PDS5A: variants seen among roughly 807,000 people sequenced by gnomAD.
PDS5A encodes the protein sister chromatid cohesion protein PDS5 homolog A.
Under a neutral mutation model 167.1 loss-of-function variants are expected in PDS5A, and 42 were observed. That is an observed-to-expected ratio of 0.25 (90% confidence interval 0.20 to 0.33). The LOEUF (loss-of-function observed/expected upper bound fraction) is 0.33. Among genes scored for constraint, PDS5A ranks in the 10% least tolerant of loss-of-function variants. PDS5A has a pLI of 1.00. For synonymous variants in PDS5A, 553 were observed against 554.6 expected, an observed-to-expected ratio of 1.00 and a Z score of 0.04; for missense variants, 1,033 against 1,605.9, an observed-to-expected ratio of 0.64 and a Z score of 6.10.
Position 39,823,139 on chromosome 4 carries a change from T to C in PDS5A, c.*2346A>G, listed in dbSNP as rs892524731. 2.6e-5 allele frequency: 4 copies of C among 152,634 alleles called. No homozygotes were observed. The highest frequency in any genetic ancestry group is 9.6e-5 in the African/African-American group (4 of 41,466). The allele number at this position is 152,634 out of a possible 1,614,324, so 9.5% of individuals were successfully genotyped here. A position where few individuals can be genotyped will look rare whatever the true frequency, so the allele number is the denominator to read the frequency against. On this transcript the variant is annotated 3_prime_UTR_variant, in exon 33 of 33. Coordinates refer to ENST00000303538, the MANE Select transcript of PDS5A (RefSeq NM_001100399.2). ...AAGGGTTAACATTAATTCTCAAATA[T>C]AAGTCTGCACTTTTGTGTTGTAGTT...
intron 2 of PDS5A, among the ~76,000 whole-genome samples, chr4:39,968,543 C>T (rs943874644): frequency 2.4e-4 from 36 of 151,724 alleles, no homozygotes; most frequent in Admixed American, 2.1e-3. Flanking sequence ...AGCGATTCTC[C>T]TGCCTCAGCC....
chr4:39,866,832 A>T (rs1679095962), intron 23 of PDS5A, 29 bp downstream of exon 23: 1 of 1,592,482 alleles, frequency 6.3e-7, no homozygotes, highest in African/African-American at 1.4e-5. Flanking sequence ...TTCAGCACTA[A>T]GAAAACTGGA....
chr4:39,922,522 C>T, intron 6 of PDS5A, 100 bp downstream of exon 6: 1 of 1,058,820 alleles, frequency 9.4e-7, no homozygotes, highest in Admixed American at 3.7e-5. Context: ...GTCATGAGAA[C>T]AATTACATGG....
At chr4:39,954,523 G>A (rs1728727574) in intron 2 of PDS5A, among the ~76,000 whole-genome samples, 1 of 151,906 alleles carries the variant, frequency 6.6e-6, no homozygotes, top group African/African-American at 2.4e-5. Context: ...GTTTCACCAT[G>A]ATGGCCAGGC....
chr4:39,943,582 G>A (rs1212346538), intron 2 of PDS5A, among the ~76,000 whole-genome samples: 3 of 140,982 alleles, frequency 2.1e-5, no homozygotes, highest in Admixed American at 7.5e-5. Flanking sequence ...TCAGGAGTTC[G>A]AGACCAGCCT....
intron 2 of PDS5A, among the ~76,000 whole-genome samples, chr4:39,970,551 T>C (rs927385934): frequency 2.0e-5 from 3 of 151,812 alleles, no homozygotes; most frequent in Non-Finnish European, 2.9e-5. Flanking sequence ...AAGTTACAAC[T>C]TTTTAGTTCT....
chr4:39,951,898 C>CAAAAAAAA (rs1161911794), intron 2 of PDS5A, among the ~76,000 whole-genome samples: 6 of 68,820 alleles, frequency 8.7e-5, no homozygotes, highest in African/African-American at 2.5e-4. Flanking sequence ...GAGTCTGTCT[C>CAAAAAAAA]AAAAAAAAAA....
At position 39,977,414 on chromosome 4, in the gene PDS5A, C is replaced by T. The variant is rs1731224638; in HGVS notation, c.-41+43G>A. ...TCCAGTCTCCCCTTCCGTCCCCTCCCTCCAGCAGCCTAGGGCGGGAGCCGA... is the reference window on the plus strand; with the variant it reads ...TCCAGTCTCCCCTTCCGTCCCCTCCTTCCAGCAGCCTAGGGCGGGAGCCGA... On this transcript the variant is annotated intron_variant, in intron 1 of 32. Transcript: ENST00000303538. This position sits in a 1 kb window ranked among gnomAD's most constrained non-coding sequence, Gnocchi z 4.2. 1 of 152,970 alleles carries T rather than the reference C, an allele frequency of 6.5e-6. No individual in the cohort carries two copies. Among genetic ancestry groups the T allele is most frequent in the South Asian group, 2.0e-4 (1 of 5,094 alleles). The allele number at this position is 152,970 out of a possible 1,614,324, so 9.5% of individuals were successfully genotyped here.
chr4:39,905,490 G>A (rs113255084), intron 11 of PDS5A, among the ~76,000 whole-genome samples: 5 of 152,126 alleles, frequency 3.3e-5, no homozygotes, highest in African/African-American at 9.7e-5. Context: ...CCTGAGAGGC[G>A]GAGGTTGCGG....
At chr4:39,935,892 A>G (rs1329323531) in intron 2 of PDS5A, among the ~76,000 whole-genome samples, 10 of 152,224 alleles carry the variant, frequency 6.6e-5, no homozygotes, top group Non-Finnish European at 1.5e-5. Flanking sequence ...TTTACTGAAA[A>G]CATTTCACAC....
intron 28 of PDS5A, 125 bp from the exon 29 acceptor site, chr4:39,846,005 C>A: frequency 1.3e-6 from 1 of 783,182 alleles, no homozygotes; most frequent in Non-Finnish European, 1.7e-6. Flanking sequence ...TGTGCTAACA[C>A]ATATACCAAT....
At chr4:39,870,808 C>T (rs1578641600) in intron 21 of PDS5A, among the ~76,000 whole-genome samples, 1 of 151,900 alleles carries the variant, frequency 6.6e-6, no homozygotes. Context: ...TGACATGTAA[C>T]CCAACAATGT....
At chr4:39,951,230 C>T (rs1728320967) in intron 2 of PDS5A, among the ~76,000 whole-genome samples, 1 of 152,170 alleles carries the variant, frequency 6.6e-6, no homozygotes, top group African/African-American at 2.4e-5. Context: ...ATCTGAATTA[C>T]TTAGTCTTTC....
intron 17 of PDS5A, among the ~76,000 whole-genome samples, chr4:39,882,560 A>G (rs893978785): frequency 7.9e-5 from 12 of 152,224 alleles, no homozygotes; most frequent in African/African-American, 2.9e-4. Context: ...AAATTTATAA[A>G]TATGTAAATA....
chr4:39,829,115 A>G (rs1715580894), intron 32 of PDS5A, among the ~76,000 whole-genome samples: 1 of 152,280 alleles, frequency 6.6e-6, no homozygotes, highest in African/African-American at 2.4e-5. Flanking sequence ...CAGGTTTGGC[A>G]CCTCTATGTC....
At chr4:39,965,420 T>C (rs138922400) in intron 2 of PDS5A, among the ~76,000 whole-genome samples, 6 of 152,290 alleles carry the variant, frequency 3.9e-5, no homozygotes, top group African/African-American at 1.4e-4. Context: ...AGACGCAAGC[T>C]AAACCCTGCC....
rs1725506825 is a variant in PDS5A, at chr4:39,926,747, ATAGTTAT to A, written c.429+21_429+27del. The stretch of plus-strand genomic sequence containing the variant: ...TTTGCTATCATGTGAAATAATGTTA[ATAGTTAT>A]TAAAGTTTTTTTTTTTTTACCTCTA... On this transcript the variant is annotated intron_variant, in intron 4 of 32. Coordinates refer to ENST00000303538, the MANE Select transcript of PDS5A (RefSeq NM_001100399.2). The A allele has an allele frequency of 5.4e-6, 7 of 1,295,430 alleles. No homozygotes were observed. The East Asian group carries it at 2.0e-4, about 38-fold the overall frequency. 80.2% of individuals were successfully genotyped at this position (1,295,430 alleles called of 1,614,324 possible). A position where few individuals can be genotyped will look rare whatever the true frequency, so the allele number is the denominator to read the frequency against.
chr4:39,967,784 C>A (rs1730124564), intron 2 of PDS5A, among the ~76,000 whole-genome samples: 1 of 151,784 alleles, frequency 6.6e-6, no homozygotes, highest in African/African-American at 2.4e-5. Context: ...ATGGTGAAAC[C>A]CCGTCTCTAA....
intron 2 of PDS5A, among the ~76,000 whole-genome samples, chr4:39,929,354 C>T (rs1365264006): frequency 2.6e-5 from 4 of 151,506 alleles, no homozygotes; most frequent in Non-Finnish European, 4.4e-5. Context: ...TGAAAAGGGA[C>T]GGCGGGACTA....
Sources: gnomAD v4.1 joint callset for allele counts (sites outside exome capture counted in the v4.1 genomes callset) on GRCh38, gnomAD v4.1.1 for gene constraint, Gnocchi (gnomAD v3.1) non-coding constraint, MANE v1.5 for transcripts, NCBI Gene and HGNC (gene_info 2026-07-23, HGNC 2026-07-21) for gene names.